RSF1: variants seen among roughly 807,000 people sequenced by gnomAD.
The protein encoded by RSF1 is remodeling and spacing factor 1.
RSF1 carries 13 observed loss-of-function variants against 145.2 expected under a neutral mutation model. That is an observed-to-expected ratio of 0.09 (90% CI 0.06 to 0.14). The LOEUF is 0.14. RSF1 is among the 10% of genes least tolerant of loss of function. RSF1 has a pLI of 1.00. For missense variants in RSF1, 1,517 were observed against 1,718.2 expected (o/e 0.88, Z 2.07); for synonymous variants, 577 against 592.6 (o/e 0.97, Z 0.38).
chr11:77,740,609 G>C, intron 4 of RSF1, 122 bp downstream of exon 4: 1 of 806,814 alleles, frequency 1.2e-6, no homozygotes, highest in Non-Finnish European at 2.0e-6. Context: ...GTGAGGCCTT[G>C]ACAACTCCCA....
chr11:77,674,439 ATTC>A (rs747690209), intron 14 of RSF1, among the ~76,000 whole-genome samples: 4 of 152,210 alleles, frequency 2.6e-5, no homozygotes, highest in Non-Finnish European at 5.9e-5. Context: ...GTTAACTTGT[ATTC>A]TTCTCTCTCC....
chr11:77,706,663 T>A (rs7124030), intron 5 of RSF1, among the ~76,000 whole-genome samples: 27,058 of 150,144 alleles, frequency 0.18, 3,020 homozygotes, highest in African/African-American at 0.3. Flanking sequence ...CTTTCCTAAT[T>A]TTTTTTTTTT....
At chr11:77,868,806 G>T in the RSF1 span, 2 of 225,016 alleles carry the variant, frequency 8.9e-6, no homozygotes. Context: ...TAGCAGGCTG[G>T]CGCTTAATTT....
At position 77,766,845 on chromosome 11, in the gene RSF1, T is replaced by G. The variant is rs1037573774; in HGVS notation, c.188-2156A>C. ...AAGAAGTTTTTATTTGCTTTTTTGT[T>G]TTAGGAGGTGGGGTGCAGGGCCGAA... On this transcript the variant is annotated intron_variant, in intron 1 of 15. Transcript: ENST00000308488. Among the ~76,000 whole-genome samples the G allele has an allele frequency of 2.6e-5, 4 of 152,300 alleles. No homozygotes were observed. In the South Asian group the frequency reaches 8.3e-4, roughly 32 times the overall value.
chr11:77,785,371 C>T (rs923003054), intron 1 of RSF1, among the ~76,000 whole-genome samples: 4 of 152,132 alleles, frequency 2.6e-5, no homozygotes, highest in Non-Finnish European at 4.4e-5. Context: ...GGGTGGATCA[C>T]CTGAGATCAG....
the RSF1 span, among the ~76,000 whole-genome samples, chr11:77,852,199 T>G: frequency 1.4e-5 from 1 of 69,132 alleles, no homozygotes; most frequent in Admixed American, 2.3e-4. Context: ...CACTCCAGCC[T>G]GGCCAACAGA....
At chr11:77,747,516 C>T (rs1361977114) in intron 2 of RSF1, among the ~76,000 whole-genome samples, 2 of 152,186 alleles carry the variant, frequency 1.3e-5, no homozygotes, top group South Asian at 2.1e-4. Flanking sequence ...AAAAAACATG[C>T]CAAATTCTAC....
Position 77,676,835 on chromosome 11 carries a change from G to A in RSF1, c.3298C>T (p.Leu1100=). Residue 1100 remains leucine (L), a synonymous_variant, in exon 13 of 16, where the codon CTG becomes TTG. Coordinates refer to ENST00000308488, the MANE Select transcript of RSF1 (RefSeq NM_016578.4). ...RLNDLDSDSN[L]DEEESEDEFK... ...TCATCCTCGCTCTCTTCTTCATCCA[G>A]GTTGCTATCACTGTCCAGATCATTT... 1.2e-6 allele frequency: 2 copies of A among 1,613,962 alleles called. No homozygotes were observed. The highest frequency in any genetic ancestry group is 1.7e-6 in the Non-Finnish European group (2 of 1,179,916).
chr11:77,793,950 T>C (rs728130), intron 1 of RSF1, among the ~76,000 whole-genome samples: 15,775 of 152,198 alleles, frequency 0.1, 1,023 homozygotes, highest in Non-Finnish European at 0.15. Context: ...AAGGTCATTA[T>C]ACAATGATAA....
chr11:77,704,168 G>A (rs938127580), intron 5 of RSF1, among the ~76,000 whole-genome samples: 1 of 152,092 alleles, frequency 6.6e-6, no homozygotes, highest in Non-Finnish European at 1.5e-5. Flanking sequence ...GGTGGTGTGT[G>A]CTTGTAGTTC....
chr11:77,704,753 G>GTTTTTT lies in RSF1; in HGVS notation c.734-2264_734-2259dup, dbSNP rs72141127. 1.2e-3 allele frequency among the ~76,000 whole-genome samples: 168 copies of GTTTTTT among 134,514 alleles called. 4 individuals are homozygous for GTTTTTT. The highest frequency in any genetic ancestry group is 3.8e-3 in the Middle Eastern group (1 of 266). 88.2% of individuals were successfully genotyped at this position (134,514 alleles called of 152,430 possible). A position where few individuals can be genotyped will look rare whatever the true frequency, so the allele number is the denominator to read the frequency against. ...TTTGGTTTTTTGTGTGTTTGCCTTG[G>GTTTTTT]TTTTTTTTTTTTTTTTGAGACGAAG... is the stretch of plus-strand genomic sequence containing the variant. On this transcript the variant is annotated intron_variant, in intron 5 of 15. Coordinates refer to ENST00000308488, the MANE Select transcript of RSF1 (RefSeq NM_016578.4).
chr11:77,713,383 T>C (rs1367518745), intron 5 of RSF1, among the ~76,000 whole-genome samples: 1 of 152,184 alleles, frequency 6.6e-6, no homozygotes, highest in Non-Finnish European at 1.5e-5. Context: ...CATTTTCTTC[T>C]GGAATAAAGC....
chr11:77,852,924 T>C, the RSF1 span, among the ~76,000 whole-genome samples: 10 of 152,190 alleles, frequency 6.6e-5, no homozygotes, highest in African/African-American at 2.4e-4. Context: ...GTAATATTGT[T>C]TATTCACTTT....
intron 4 of RSF1, among the ~76,000 whole-genome samples, chr11:77,728,020 T>C (rs1322606782): frequency 6.6e-6 from 1 of 152,198 alleles, no homozygotes; most frequent in Non-Finnish European, 1.5e-5. Flanking sequence ...CCAAATTTCT[T>C]AACACTATGT....
At chr11:77,849,954 A>T in the RSF1 span, among the ~76,000 whole-genome samples, 1 of 152,122 alleles carries the variant, frequency 6.6e-6, no homozygotes, top group Admixed American at 6.5e-5. Context: ...AGCACAGTTC[A>T]CTTGTATTAT....
the RSF1 span, among the ~76,000 whole-genome samples, chr11:77,863,240 G>A: frequency 1.1e-4 from 17 of 152,308 alleles, no homozygotes; most frequent in South Asian, 2.1e-4. Context: ...ACAATGGCAA[G>A]CCTTTATTTA....
chr11:77,807,198 A>G (rs759190506), intron 1 of RSF1, among the ~76,000 whole-genome samples: 2 of 152,152 alleles, frequency 1.3e-5, no homozygotes, highest in Non-Finnish European at 2.9e-5. Context: ...TTTCCCATAC[A>G]TGCCACATTA....
intron 4 of RSF1, among the ~76,000 whole-genome samples, chr11:77,738,516 T>C (rs1175108443): frequency 1.3e-5 from 2 of 152,212 alleles, no homozygotes; most frequent in Non-Finnish European, 2.9e-5. Flanking sequence ...CACATTTTGT[T>C]ATCCATGAGG....
At chr11:77,855,753 C>T in the RSF1 span, among the ~76,000 whole-genome samples, 1 of 130,114 alleles carries the variant, frequency 7.7e-6, no homozygotes, top group Non-Finnish European at 1.5e-5. Context: ...AGAATATGAG[C>T]ATAGGCTGCT....
Sources: allele counts gnomAD v4.1 joint callset (sites outside exome capture counted in the v4.1 genomes callset), GRCh38; gene constraint gnomAD v4.1.1; transcripts MANE v1.5; gene names NCBI Gene and HGNC (gene_info 2026-07-23, HGNC 2026-07-21).